Variants in ARHGEF18 observed in about 807,000 individuals in gnomAD.
ARHGEF18 encodes rho guanine nucleotide exchange factor 18.
Under a neutral mutation model 155.7 loss-of-function variants are expected in ARHGEF18, and 93 were observed. The ratio of observed to expected loss-of-function variants is 0.60; its 90% CI spans 0.50 to 0.71. The LOEUF is 0.71. Among genes scored for constraint, ARHGEF18 ranks in the 30% least tolerant of loss-of-function variants. The probability of loss-of-function intolerance (pLI) is 0.00; values close to 1 mark genes in which losing one functional copy is unlikely to be tolerated. For synonymous variants in ARHGEF18, 742 were observed against 753.1 expected, an observed-to-expected ratio of 0.99 and a Z score of 0.24; for missense variants, 1,593 against 1,816.1, an observed-to-expected ratio of 0.88 and a Z score of 2.23.
Position 7,459,937 on chromosome 19 carries a change from C to T in ARHGEF18, c.2395C>T (p.Pro799Ser). ...PDEEEGPFSL[P>S]EEERKVVEAR... ...CGAGGAGGAGGGGCCCTTCAGCCTG[C>T]CCGAAGAGGAAAGGAAGGTGGTCGA... is the stretch of plus-strand genomic sequence containing the variant. The change falls in exon 20 of 29, where the codon CCC becomes TCC. Residue 799 changes from proline to serine, a missense_variant. Coordinates refer to ENST00000668164, the MANE Select transcript of ARHGEF18 (RefSeq NM_001367823.1). The T allele has an allele frequency of 6.3e-7, 1 of 1,589,382 alleles. No individual in the cohort carries two copies. The highest frequency in any genetic ancestry group is 8.6e-7 in the Non-Finnish European group (1 of 1,167,892).
intron 10 of ARHGEF18, among the ~76,000 whole-genome samples, chr19:7,393,507 C>A (rs1043084259): frequency 2.6e-5 from 4 of 152,144 alleles, no homozygotes; most frequent in African/African-American, 9.7e-5. Context: ...TCTTGCCTGG[C>A]CATGGGGAGA....
chr19:7,364,932 C>T (rs1165836545), intron 2 of ARHGEF18, among the ~76,000 whole-genome samples: 1 of 152,174 alleles, frequency 6.6e-6, no homozygotes, highest in African/African-American at 2.4e-5. Flanking sequence ...TGTCAATCAC[C>T]CATTGCTGAT....
At chr19:7,370,220 G>A (rs907265710) in intron 2 of ARHGEF18, among the ~76,000 whole-genome samples, 1 of 151,886 alleles carries the variant, frequency 6.6e-6, no homozygotes, top group African/African-American at 2.4e-5. Flanking sequence ...TAGGGGCTGG[G>A]CGCGGTGGCT....
chr19:7,478,471 C>G, the ARHGEF18 span: 2 of 1,327,584 alleles, frequency 1.5e-6, no homozygotes, highest in Non-Finnish European at 2.1e-6. Flanking sequence ...GGGACAGGTG[C>G]TGCATCTCGG....
At chr19:7,475,352 G>T (rs1977204861), downstream of ARHGEF18, among the ~76,000 whole-genome samples, 1 of 152,070 alleles carries the variant, frequency 6.6e-6, no homozygotes, top group Non-Finnish European at 1.5e-5. Flanking sequence ...CAAGCCTGGG[G>T]GCTGCGGGTG....
intron 1 of ARHGEF18, among the ~76,000 whole-genome samples, chr19:7,361,429 C>A (rs1969543066): frequency 6.6e-6 from 1 of 151,952 alleles, no homozygotes; most frequent in Non-Finnish European, 1.5e-5. Context: ...CAGAGTGAGG[C>A]TCTATCTCAA....
At chr19:7,446,237 G>C (rs1402137396) in intron 14 of ARHGEF18, among the ~76,000 whole-genome samples, 1 of 151,666 alleles carries the variant, frequency 6.6e-6, no homozygotes, top group Non-Finnish European at 1.5e-5. Context: ...GCCAGGTGTG[G>C]TGGTGGCACC....
chr19:7,396,864 A>G (rs1971740994), intron 10 of ARHGEF18, among the ~76,000 whole-genome samples: 1 of 152,108 alleles, frequency 6.6e-6, no homozygotes, highest in African/African-American at 2.4e-5. Flanking sequence ...TGGGGTTTCT[A>G]TGAAGTAATC....
Position 7,441,764 on chromosome 19 carries a change from A to T in ARHGEF18, c.1218A>T (p.Glu406Asp). 6.2e-7 allele frequency: 1 copy of T among 1,614,062 alleles called. No individual in the cohort carries two copies. The highest frequency in any genetic ancestry group is 1.3e-5 in the African/African-American group (1 of 75,028). Reference protein sequence around the residue: ...TSPNTESIFVEDPYTASLRSE... With the variant: ...TSPNTESIFVDDPYTASLRSE... ...CAAACACCGAGTCCATTTTTGTAGA[A>T]GGTATGGTCATCTCCGCTCTCTCGC... The change falls in exon 12 of 29, where the codon GAA becomes GAT. Residue 406 changes from glutamate (E) to aspartate (D), a missense_variant and splice_region_variant. Glu to Asp is a conservative substitution (Grantham distance 45, BLOSUM62 2). Coordinates refer to ENST00000668164, the MANE Select transcript of ARHGEF18 (RefSeq NM_001367823.1).
intron 10 of ARHGEF18, among the ~76,000 whole-genome samples, chr19:7,398,704 A>AAATAAAGAAAGAAAG (rs1555708478): frequency 6.8e-6 from 1 of 147,076 alleles, no homozygotes; most frequent in African/African-American, 2.7e-5. Flanking sequence ...AAAAAAAAAA[A>AAATAAAGAAAGAAAG]AAATAAAGAA....
rs1272137475 is a variant in ARHGEF18, at chr19:7,444,579, C to T, written c.1611+125C>T. The T allele has an allele frequency of 3.0e-6, 4 of 1,323,940 alleles. No homozygotes were observed. The highest frequency in any genetic ancestry group is 4.1e-6 in the Non-Finnish European group (4 of 984,648). 82.0% of individuals were successfully genotyped at this position (1,323,940 alleles called of 1,614,324 possible). ...AGGCTGGAGTGCAGTGGTGCAGTCA[C>T]AGCTCAATGCAGCCTCAACCTCTCA... On this transcript the variant is annotated intron_variant, in intron 14 of 28. Coordinates refer to ENST00000668164, the MANE Select transcript of ARHGEF18 (RefSeq NM_001367823.1). The surrounding 1 kb of genome is among the most constrained non-coding windows in gnomAD (Gnocchi z 4.7).
chr19:7,383,502 T>A, intron 10 of ARHGEF18: 1 of 397,168 alleles, frequency 2.5e-6, no homozygotes. Context: ...CAAAGTACCA[T>A]GCACCAGGTG....
In ARHGEF18 at chr19:7,395,065, A is replaced by G; in HGVS notation, c.967+11862A>G. ...TCGAGGGCACGCCTCCTTCCGGGTC[A>G]CGCCCTCTGCCCCGCCTCCGAGGCG... On this transcript the variant is annotated intron_variant, in intron 10 of 28. Transcript: ENST00000668164. The surrounding 1 kb of genome is among the most constrained non-coding windows in gnomAD (Gnocchi z 5.0). The G allele has an allele frequency of 1.0e-6, 1 of 985,354 alleles. No homozygotes were observed. 61.0% of individuals were successfully genotyped at this position (985,354 alleles called of 1,614,324 possible).
chr19:7,477,124 C>G, downstream of ARHGEF18: 1 of 1,319,762 alleles, frequency 7.6e-7, no homozygotes, highest in Non-Finnish European at 9.9e-7. Flanking sequence ...GAGCCCCGGC[C>G]CCTGCCCTGG....
At chr19:7,473,893 G>T (rs548652762), downstream of ARHGEF18, among the ~76,000 whole-genome samples, 5 of 151,816 alleles carry the variant, frequency 3.3e-5, no homozygotes, top group Admixed American at 3.3e-4. Flanking sequence ...CAAGGCAGGA[G>T]GATTGCTTGA....
chr19:7,477,207 G>C (rs1198465777), downstream of ARHGEF18: 1 of 1,498,874 alleles, frequency 6.7e-7, no homozygotes, highest in Non-Finnish European at 8.9e-7. Flanking sequence ...CAGTGTCAGG[G>C]GGTAGTGGCC....
chr19:7,466,809 AAAAAAAAAAAAAAAAAAGTT>A, intron 23 of ARHGEF18, 89 bp from the exon 24 acceptor site: 1 of 976,726 alleles, frequency 1.0e-6, no homozygotes, highest in Non-Finnish European at 1.5e-6. Flanking sequence ...CGTCTCAAAA[AAAAAAAAAAAAAAAAAAGTT>A]AAAAAAAAAG....
intron 2 of ARHGEF18, among the ~76,000 whole-genome samples, chr19:7,367,873 T>TATATATACAC (rs1969989679): frequency 2.6e-5 from 1 of 39,150 alleles, no homozygotes; most frequent in Admixed American, 3.8e-4. Flanking sequence ...TATATTTTTA[T>TATATATACAC]ATATATATAT....
intron 16 of ARHGEF18, 48 bp downstream of exon 16, chr19:7,451,314 G>T (rs1451195454): frequency 6.4e-7 from 1 of 1,552,242 alleles, no homozygotes; most frequent in Admixed American, 1.7e-5. Flanking sequence ...CTGCAGCACA[G>T]GGCTCTCTCC....
Sources: allele counts gnomAD v4.1 joint callset (sites outside exome capture counted in the v4.1 genomes callset), GRCh38; gene constraint gnomAD v4.1.1; non-coding constraint Gnocchi (gnomAD v3.1); transcripts MANE v1.5; gene names NCBI Gene and HGNC (gene_info 2026-07-23, HGNC 2026-07-21).